Variants in PLN observed in about 807,000 individuals in gnomAD.
The protein encoded by PLN is cardiac phospholamban.
PLN carries 1 observed loss-of-function variant against 3.9 expected under a neutral mutation model. The observed-to-expected ratio is 0.26, with a 90% CI of 0.09 to 1.23. The LOEUF is 1.23. Ranked by LOEUF, PLN falls within the 50% of genes most tolerant of loss-of-function variation. The pLI is 0.48. For missense variants in PLN, 59 were observed against 62.7 expected, an observed-to-expected ratio of 0.94 and a Z score of 0.20; for synonymous variants, 21 against 20.5, an observed-to-expected ratio of 1.02 and a Z score of -0.07.
chr6:118,560,577 G>A lies in PLN; in HGVS notation c.*1497G>A, dbSNP rs904671937. Reference sequence around the variant, plus strand: ...GTATAAGTGGACCCTTGCAATTCAAGCCCTTGTTGTTCAAGGGTCAACTGT... The same window carrying A: ...GTATAAGTGGACCCTTGCAATTCAAACCCTTGTTGTTCAAGGGTCAACTGT... On this transcript the variant is annotated 3_prime_UTR_variant, in exon 2 of 2. Transcript: ENST00000357525. 2 of 166,940 alleles carry A rather than the reference G, an allele frequency of 1.2e-5. No homozygotes were observed. The highest frequency in any genetic ancestry group is 2.9e-5 in the Non-Finnish European group (2 of 68,086). 10.3% of individuals were successfully genotyped at this position (166,940 alleles called of 1,614,324 possible). A position where few individuals can be genotyped will look rare whatever the true frequency, so the allele number is the denominator to read the frequency against.
intron 1 of PLN, 130 bp from the exon 2 acceptor site, chr6:118,558,695 A>G (rs1230493476): frequency 3.6e-6 from 2 of 555,452 alleles, no homozygotes; most frequent in Non-Finnish European, 6.4e-6. Flanking sequence ...AGAGGGAGAG[A>G]GACTATAGAA....
intron 1 of PLN, among the ~76,000 whole-genome samples, chr6:118,553,705 G>A (rs1441050207): frequency 1.3e-5 from 2 of 152,108 alleles, no homozygotes; most frequent in Non-Finnish European, 1.5e-5. Context: ...ACAGTTAGCT[G>A]TTGTAGGATT....
At chr6:118,558,660 C>CACACACACACAGAG (rs1318088942) in intron 1 of PLN, among the ~76,000 whole-genome samples, 165 bp from the exon 2 acceptor site, 1 of 122,216 alleles carries the variant, frequency 8.2e-6, no homozygotes, top group Non-Finnish European at 1.7e-5. Context: ...CACACACACA[C>CACACACACACAGAG]AGAGAGAGAG....
chr6:118,557,564 G>A (rs753510170), intron 1 of PLN, among the ~76,000 whole-genome samples: 1 of 152,136 alleles, frequency 6.6e-6, no homozygotes, highest in South Asian at 2.1e-4. Context: ...TGTTTAAGTT[G>A]TCCTGGGTTG....
chr6:118,549,072 GT>G (rs1371125855), intron 1 of PLN, among the ~76,000 whole-genome samples: 1 of 151,902 alleles, frequency 6.6e-6, no homozygotes, highest in African/African-American at 2.4e-5. Context: ...TCATAAAGAA[GT>G]TTAGAAATTT....
chr6:118,551,525 C>G (rs1181165278), intron 1 of PLN, among the ~76,000 whole-genome samples: 1 of 151,708 alleles, frequency 6.6e-6, no homozygotes, highest in Non-Finnish European at 1.5e-5. Context: ...AGCATTGTTT[C>G]AATATTTAAA....
intron 1 of PLN, among the ~76,000 whole-genome samples, 159 bp from the exon 2 acceptor site, chr6:118,558,652 CACACACACAGAGAG>C (rs1042516208): frequency 8.3e-5 from 11 of 132,898 alleles, no homozygotes; most frequent in Non-Finnish European, 1.4e-4. Context: ...CACACACACA[CACACACACAGAGAG>C]AGAGAGAGAG....
intron 1 of PLN, among the ~76,000 whole-genome samples, chr6:118,549,091 A>G (rs969635358): frequency 6.6e-6 from 1 of 151,980 alleles, no homozygotes; most frequent in African/African-American, 2.4e-5. Flanking sequence ...TTTTAAAACA[A>G]TGTTCACAAA....
intron 1 of PLN, among the ~76,000 whole-genome samples, chr6:118,556,052 T>G (rs1030281558): frequency 6.6e-6 from 1 of 152,222 alleles, no homozygotes; most frequent in Non-Finnish European, 1.5e-5. Flanking sequence ...AGTCTGTCAC[T>G]GATGAGCACT....
rs1779148721 is a variant in PLN at position 118,560,311 on chromosome 6, A to C, written c.*1231A>C. The C allele has an allele frequency of 1.2e-5, 2 of 167,078 alleles. No homozygotes were observed. Among genetic ancestry groups the C allele is most frequent in the Admixed American group, 1.3e-4 (2 of 15,282 alleles). 10.3% of individuals were successfully genotyped at this position (167,078 alleles called of 1,614,324 possible). A position where few individuals can be genotyped will look rare whatever the true frequency, so the allele number is the denominator to read the frequency against. ...TAAATTAACACATATTTTGCGTGTT[A>C]TATGTATTATACACTATATTCCTAC... On this transcript the variant is annotated 3_prime_UTR_variant, in exon 2 of 2. Transcript: ENST00000357525.
At chr6:118,558,621 GCACATACACACACA>G (rs1166953067) in intron 1 of PLN, among the ~76,000 whole-genome samples, 190 bp from the exon 2 acceptor site, 11 of 60,080 alleles carry the variant, frequency 1.8e-4, no homozygotes, top group African/African-American at 5.6e-4. Flanking sequence ...AGAAACACGT[GCACATACACACACA>G]CACACACACA....
chr6:118,553,209 A>G (rs1284948360), intron 1 of PLN, among the ~76,000 whole-genome samples: 1 of 98,012 alleles, frequency 1.0e-5, no homozygotes, highest in Non-Finnish European at 2.2e-5. Context: ...TTAGCTGTTA[A>G]GAAATTAAAA....
chr6:118,552,066 T>C (rs765206658), intron 1 of PLN, among the ~76,000 whole-genome samples: 1 of 152,060 alleles, frequency 6.6e-6, no homozygotes, highest in Non-Finnish European at 1.5e-5. Context: ...ATTCAATCTA[T>C]AGAAAATTCT....
chr6:118,551,544 A>T (rs1221488547), intron 1 of PLN, among the ~76,000 whole-genome samples: 1 of 152,010 alleles, frequency 6.6e-6, no homozygotes, highest in African/African-American at 2.4e-5. Context: ...AAAAACAATA[A>T]TGAAGGCAAA....
At chr6:118,555,037 C>T (rs1778770365) in intron 1 of PLN, among the ~76,000 whole-genome samples, 1 of 152,178 alleles carries the variant, frequency 6.6e-6, no homozygotes, top group Non-Finnish European at 1.5e-5. Flanking sequence ...TTTAAGACCA[C>T]TTAAGCCCAA....
Position 118,559,143 on chromosome 6 carries a change from C to G in PLN, c.*63C>G. The G allele has an allele frequency of 8.2e-7, 1 of 1,224,034 alleles. No individual in the cohort carries two copies. Among genetic ancestry groups the G allele is most frequent in the South Asian group, 1.2e-5 (1 of 83,296 alleles). 75.8% of individuals were successfully genotyped at this position (1,224,034 alleles called of 1,614,324 possible). A position where few individuals can be genotyped will look rare whatever the true frequency, so the allele number is the denominator to read the frequency against. ...TCAGCTTAAAATCTGTCATCCCATG[C>G]AGACAGGAAAACAATATTGTATAAC... On this transcript the variant is annotated 3_prime_UTR_variant, in exon 2 of 2. Transcript: ENST00000357525.
At chr6:118,558,626 TACACACAC>T (rs371775061) in intron 1 of PLN, among the ~76,000 whole-genome samples, 191 bp from the exon 2 acceptor site, 2,261 of 111,594 alleles carry the variant, frequency 0.02, 23 homozygotes, top group Non-Finnish European at 0.025. Context: ...CACGTGCACA[TACACACAC>T]ACACACACAC....
chr6:118,553,680 T>A (rs1328889848), intron 1 of PLN, among the ~76,000 whole-genome samples: 1 of 152,214 alleles, frequency 6.6e-6, no homozygotes. Flanking sequence ...AGAAACAAAC[T>A]CTTCTTTTTC....
chr6:118,552,784 G>C (rs554637546), intron 1 of PLN, among the ~76,000 whole-genome samples: 1 of 151,990 alleles, frequency 6.6e-6, no homozygotes, highest in African/African-American at 2.4e-5. Flanking sequence ...CTAAAAAGTA[G>C]AGTAATCATG....
Sources: allele counts gnomAD v4.1 joint callset (sites outside exome capture counted in the v4.1 genomes callset), GRCh38; gene constraint gnomAD v4.1.1; transcripts MANE v1.5; gene names NCBI Gene and HGNC (gene_info 2026-07-23, HGNC 2026-07-21).